Variants in MICU2 observed in about 807,000 individuals in gnomAD.
MICU2 encodes mitochondrial calcium uptake 2.
Under a neutral mutation model 60.4 loss-of-function variants are expected in MICU2, and 64 were observed. The ratio of observed to expected loss-of-function variants is 1.06; its 90% CI spans 0.87 to 1.31. MICU2 has a LOEUF of 1.31. Ranked by LOEUF, MICU2 falls within the 50% of genes most tolerant of loss-of-function variation. The pLI is 0.00. For missense variants in MICU2, 569 were observed against 531.0 expected, an observed-to-expected ratio of 1.07 and a Z score of -0.70; for synonymous variants, 201 against 175.0, an observed-to-expected ratio of 1.15 and a Z score of -1.17.
At chr13:21,593,851 GC>G (rs1424937919) in intron 1 of MICU2, among the ~76,000 whole-genome samples, 1 of 152,002 alleles carries the variant, frequency 6.6e-6, no homozygotes, top group African/African-American at 2.4e-5. Context: ...GAAACTGGAC[GC>G]CTTCCTTACA....
At chr13:21,552,900 C>T (rs1887608767) in intron 2 of MICU2, among the ~76,000 whole-genome samples, 1 of 152,152 alleles carries the variant, frequency 6.6e-6, no homozygotes. Context: ...TTAGGATTGA[C>T]TTCGCAATGC....
At chr13:21,561,230 G>A (rs1231612468) in intron 2 of MICU2, among the ~76,000 whole-genome samples, 3 of 151,916 alleles carry the variant, frequency 2.0e-5, no homozygotes, top group Non-Finnish European at 2.9e-5. Flanking sequence ...GTCTATCTTG[G>A]TGAGTGGTTC....
At chr13:21,531,047 T>C in intron 4 of MICU2, 2 of 955,564 alleles carry the variant, frequency 2.1e-6, no homozygotes, top group Non-Finnish European at 1.7e-6. Flanking sequence ...TGCAGGATCG[T>C]GGTCTTTCCA....
chr13:21,523,060 AC>A (rs761393753), intron 4 of MICU2, among the ~76,000 whole-genome samples: 1 of 152,090 alleles, frequency 6.6e-6, no homozygotes, highest in Non-Finnish European at 1.5e-5. Context: ...GGAGAAATTC[AC>A]CCTTTTTTTC....
chr13:21,595,936 T>C (rs948608711), intron 1 of MICU2, among the ~76,000 whole-genome samples: 1 of 152,266 alleles, frequency 6.6e-6, no homozygotes, highest in African/African-American at 2.4e-5. Context: ...TAGTAGTCAA[T>C]CACCTTCTAC....
intron 2 of MICU2, among the ~76,000 whole-genome samples, chr13:21,551,814 C>T (rs1254286036): frequency 6.6e-5 from 10 of 152,042 alleles, no homozygotes; most frequent in Non-Finnish European, 1.5e-4. Context: ...ATATGTGCCA[C>T]ATTTTCTTAA....
intron 4 of MICU2, among the ~76,000 whole-genome samples, chr13:21,538,430 T>C (rs1887188903): frequency 1.3e-5 from 2 of 151,608 alleles, no homozygotes; most frequent in African/African-American, 4.8e-5. Context: ...AAATTAGCCA[T>C]GTATGGTGGT....
chr13:21,557,495 G>C (rs1887736721), intron 2 of MICU2, among the ~76,000 whole-genome samples: 1 of 152,158 alleles, frequency 6.6e-6, no homozygotes, highest in Non-Finnish European at 1.5e-5. Context: ...AGCATGGGGA[G>C]ATGGTTTACA....
At chr13:21,504,399 G>A (rs1330122164) in intron 8 of MICU2, among the ~76,000 whole-genome samples, 2 of 151,986 alleles carry the variant, frequency 1.3e-5, no homozygotes, top group African/African-American at 4.8e-5. Context: ...GGCTCTATGC[G>A]AGCCTCTACC....
intron 11 of MICU2, among the ~76,000 whole-genome samples, chr13:21,494,668 G>A (rs1343084364): frequency 1.3e-5 from 2 of 152,120 alleles, no homozygotes; most frequent in Non-Finnish European, 2.9e-5. Flanking sequence ...ATTACATGTA[G>A]TTAGTCAAAT....
intron 9 of MICU2, among the ~76,000 whole-genome samples, chr13:21,502,303 C>CA (rs1467194000): frequency 1.3e-5 from 2 of 151,646 alleles, no homozygotes; most frequent in East Asian, 3.9e-4. Flanking sequence ...TTTTTTGGAA[C>CA]AATACATAAA....
chr13:21,529,177 A>G lies in MICU2; in HGVS notation c.467-6527T>C, dbSNP rs939972292. Among the ~76,000 whole-genome samples the G allele has an allele frequency of 4.7e-4, 72 of 152,320 alleles. 1 individual carries two copies. The highest frequency in any genetic ancestry group is 1.9e-3 in the South Asian group (9 of 4,826). On this transcript the variant is annotated intron_variant, in intron 4 of 11. Coordinates refer to ENST00000382374, the MANE Select transcript of MICU2 (RefSeq NM_152726.3). ...TCGATAAATACTTAGGTAAAATTGG[A>G]AAGACTTTGTGTTTGATTGAATATG...
chr13:21,597,077 T>C (rs181224371), intron 1 of MICU2, among the ~76,000 whole-genome samples: 4 of 152,200 alleles, frequency 2.6e-5, no homozygotes, highest in African/African-American at 9.7e-5. Flanking sequence ...AATCTTGCTA[T>C]ATAAAGACAA....
chr13:21,576,355 T>G (rs1888227418), intron 1 of MICU2, among the ~76,000 whole-genome samples: 1 of 152,148 alleles, frequency 6.6e-6, no homozygotes, highest in Non-Finnish European at 1.5e-5. Context: ...GAATCTTATG[T>G]ACCCATGCAA....
At chr13:21,570,686 T>C (rs1888087205) in intron 1 of MICU2, among the ~76,000 whole-genome samples, 1 of 152,232 alleles carries the variant, frequency 6.6e-6, no homozygotes, top group Non-Finnish European at 1.5e-5. Flanking sequence ...ATATTGCGAC[T>C]ATAACTGACA....
intron 2 of MICU2, among the ~76,000 whole-genome samples, chr13:21,560,168 GT>G (rs1477018370): frequency 2.0e-5 from 3 of 152,098 alleles, no homozygotes; most frequent in Non-Finnish European, 4.4e-5. Flanking sequence ...ATCAATAGAA[GT>G]TCTAATTTTA....
chr13:21,514,340 C>A lies in MICU2; in HGVS notation c.663+13G>T. 1 of 1,593,938 alleles carries A rather than the reference C, an allele frequency of 6.3e-7. No homozygotes were observed. Among genetic ancestry groups the A allele is most frequent in the Non-Finnish European group, 8.6e-7 (1 of 1,167,640 alleles). On this transcript the variant is annotated intron_variant, in intron 7 of 11. Coordinates refer to ENST00000382374, the MANE Select transcript of MICU2 (RefSeq NM_152726.3). ...TTATAAATATCAATTGTTTGGAAAT[C>A]ATCTGTACATACCTGATATCCAGTT...
At chr13:21,544,515 T>TA (rs1566154611) in intron 2 of MICU2, among the ~76,000 whole-genome samples, 6 of 3,696 alleles carry the variant, frequency 1.6e-3, no homozygotes, top group African/African-American at 4.0e-3. Flanking sequence ...AATAAACACA[T>TA]GAAAAAAAAA....
chr13:21,563,813 AT>A (rs35279335), intron 2 of MICU2, among the ~76,000 whole-genome samples: 100 of 143,474 alleles, frequency 7.0e-4, no homozygotes, highest in East Asian at 2.0e-3. Flanking sequence ...CAACAAACAC[AT>A]TTTTTTTTTT....
Sources: allele counts gnomAD v4.1 joint callset (sites outside exome capture counted in the v4.1 genomes callset), GRCh38; gene constraint gnomAD v4.1.1; transcripts MANE v1.5; gene names NCBI Gene and HGNC (gene_info 2026-07-23, HGNC 2026-07-21).